The following CASP8 variants were observed in gnomAD, a reference collection of about 807,000 sequenced individuals.
The protein encoded by CASP8 is caspase 8, also known as caspase-8.
In CASP8, 24 loss-of-function variants were observed where a neutral mutation model predicts 46.3. That is an observed-to-expected ratio of 0.52 (90% CI 0.38 to 0.73). The LOEUF (loss-of-function observed/expected upper bound fraction) is 0.73, where lower values mean the gene tolerates loss of function less well. Among genes scored for constraint, CASP8 ranks in the 30% least tolerant of loss-of-function variants. The probability of loss-of-function intolerance (pLI) is 0.00; values close to 1 mark genes in which losing one functional copy is unlikely to be tolerated. For missense variants in CASP8, 460 were observed against 559.0 expected (o/e 0.82, Z 1.79); for synonymous variants, 188 against 200.4 (o/e 0.94, Z 0.52).
In CASP8 at chr2:201,266,712, A is replaced by G. The variant is rs1947849133; in HGVS notation, c.226A>G (p.Ile76Val). ...CCGAATTAATAGACTGGATTTGCTGATTACCTACCTAAACACTAGAAAGGA... is the reference window on the plus strand; with the variant it reads ...CCGAATTAATAGACTGGATTTGCTGGTTACCTACCTAAACACTAGAAAGGA... ...LFRINRLDLL[I>V]TYLNTRKEEM... Residue 76 changes from isoleucine (I) to valine (V), a missense_variant, in exon 2 of 9, where the codon ATT (isoleucine) becomes GTT (valine). Physicochemically the swap from Ile to Val is conservative, Grantham distance 29. Coordinates refer to ENST00000673742, the MANE Select transcript of CASP8 (RefSeq NM_001372051.1). The surrounding 1 kb of genome is among the most constrained non-coding windows in gnomAD (Gnocchi z 5.7). 3 of 1,614,184 alleles carry G rather than the reference A, an allele frequency of 1.9e-6. No homozygotes were observed. The highest frequency in any genetic ancestry group is 2.5e-6 in the Non-Finnish European group (3 of 1,180,016).
rs2125484597 is a variant in CASP8 at position 201,285,085 on chromosome 2, C to A, written c.1072C>A (p.Gln358Lys). ...TGGAAAACCCAAAGTGTTTTTTATT[C>A]AGGCTTGTCAGGGGGATAACTACCA... ...LAGKPKVFFI[Q>K]ACQGDNYQKG... The change falls in exon 8 of 9, where the codon CAG (glutamine) becomes AAG (lysine). Residue 358 changes from glutamine to lysine, a missense_variant. Coordinates refer to ENST00000673742, the MANE Select transcript of CASP8 (RefSeq NM_001372051.1). 1.2e-6 allele frequency: 2 copies of A among 1,614,146 alleles called. No homozygotes were observed. Among genetic ancestry groups the A allele is most frequent in the Non-Finnish European group, 1.7e-6 (2 of 1,180,020 alleles).
chr2:201,250,746 T>G (rs987864103), intron 2 of CASP8, among the ~76,000 whole-genome samples: 6 of 152,240 alleles, frequency 3.9e-5, no homozygotes, highest in Non-Finnish European at 7.3e-5. Context: ...CCATATTTTG[T>G]GGTAGCACGT....
Position 201,282,814 on chromosome 2 carries a change from G to C in CASP8, c.803-2002G>C, listed in dbSNP as rs1259169140. ...CCCGGACGGGGCAGCCGGCCGGAAGGGGGGCTGACCCCCCCACCTCCCTCC... is the reference window on the plus strand; with the variant it reads ...CCCGGACGGGGCAGCCGGCCGGAAGCGGGGCTGACCCCCCCACCTCCCTCC... On this transcript the variant is annotated intron_variant, in intron 7 of 8. Transcript: ENST00000673742. 4.4e-5 allele frequency among the ~76,000 whole-genome samples: 4 copies of C among 90,956 alleles called. 1 individual carries two copies. Among genetic ancestry groups the C allele is most frequent in the African/African-American group, 6.9e-5 (2 of 29,172 alleles). The allele number at this position is 90,956 out of a possible 152,430, so 59.7% of individuals were successfully genotyped here.
chr2:201,257,948 T>G, upstream of CASP8: 2 of 438,548 alleles, frequency 4.6e-6, no homozygotes, highest in South Asian at 2.1e-5. Flanking sequence ...AGTTTGCACG[T>G]CCATGAATTG....
At chr2:201,271,471 T>C (rs1294631566) in intron 2 of CASP8, 45 bp from the exon 3 acceptor site, 1 of 1,195,406 alleles carries the variant, frequency 8.4e-7, no homozygotes, top group East Asian at 2.3e-5. Flanking sequence ...AAATGGGAAA[T>C]TATTTGGGAA....
intron 2 of CASP8, among the ~76,000 whole-genome samples, chr2:201,239,913 T>C (rs1183220629): frequency 6.6e-6 from 1 of 152,238 alleles, no homozygotes; most frequent in African/African-American, 2.4e-5. Flanking sequence ...GGCTCTCTTT[T>C]GCCCTTCTAT....
At chr2:201,260,929 T>C (rs990323545) in intron 1 of CASP8, among the ~76,000 whole-genome samples, 30 of 152,272 alleles carry the variant, frequency 2.0e-4, no homozygotes, top group African/African-American at 7.2e-4. Context: ...CAGTCAAACT[T>C]GTGAAATAAT....
intron 1 of CASP8, among the ~76,000 whole-genome samples, chr2:201,263,326 T>C (rs923048491): frequency 2.0e-5 from 3 of 152,220 alleles, no homozygotes; most frequent in African/African-American, 7.2e-5. Flanking sequence ...GAACTGGCTA[T>C]GTAAATTATA....
intron 1 of CASP8, among the ~76,000 whole-genome samples, chr2:201,265,733 T>C (rs1281777576): frequency 6.6e-6 from 1 of 152,128 alleles, no homozygotes; most frequent in East Asian, 1.9e-4. Flanking sequence ...CCCATCACTC[T>C]CCATCCCAGA....
chr2:201,236,461 A>T (rs749435157), intron 2 of CASP8, among the ~76,000 whole-genome samples: 15 of 152,100 alleles, frequency 9.9e-5, no homozygotes, highest in Non-Finnish European at 2.1e-4. Flanking sequence ...CCCCAGGGGG[A>T]GAGTTATGCC....
Position 201,274,058 on chromosome 2 carries a change from T to G in CASP8, c.596-831T>G, listed in dbSNP as rs183622957. 1.3e-3 allele frequency among the ~76,000 whole-genome samples: 203 copies of G among 152,338 alleles called. 2 individuals are homozygous for G. Among genetic ancestry groups the G allele is most frequent in the Admixed American group, 0.013 (201 of 15,300 alleles). ...CAAGTCCAAGAACACCATCACTCCA[T>G]TCATATTATGAATATTTTTATTGTA... On this transcript the variant is annotated intron_variant, in intron 5 of 8. Transcript: ENST00000673742.
At position 201,286,979 on chromosome 2, in the gene CASP8, A is replaced by G; in HGVS notation, c.*385A>G. On this transcript the variant is annotated 3_prime_UTR_variant, in exon 9 of 9. Transcript: ENST00000673742. ...ACTAATTTTCTAGATTTTCTACTTTATTAATTGTTTTGCACTTTTTTATAA... is the reference window on the plus strand; with the variant it reads ...ACTAATTTTCTAGATTTTCTACTTTGTTAATTGTTTTGCACTTTTTTATAA... 4.4e-6 allele frequency: 1 copy of G among 226,974 alleles called. No homozygotes were observed. Among genetic ancestry groups the G allele is most frequent in the Non-Finnish European group, 9.1e-6 (1 of 110,324 alleles). 14.1% of individuals were successfully genotyped at this position (226,974 alleles called of 1,614,324 possible).
At chr2:201,245,431 G>C (rs1408017386) in intron 2 of CASP8, among the ~76,000 whole-genome samples, 6 of 152,076 alleles carry the variant, frequency 3.9e-5, no homozygotes, top group Non-Finnish European at 8.8e-5. Context: ...AGTACAGACA[G>C]GGTTTCACCA....
chr2:201,243,697 T>C (rs1208429594), intron 2 of CASP8, among the ~76,000 whole-genome samples: 1 of 152,212 alleles, frequency 6.6e-6, no homozygotes, highest in Non-Finnish European at 1.5e-5. Context: ...GTAATATCGT[T>C]ATTAATGTAT....
At chr2:201,281,876 C>T in intron 7 of CASP8, 2 of 1,485,288 alleles carry the variant, frequency 1.3e-6, no homozygotes, top group Non-Finnish European at 1.8e-6. Flanking sequence ...TATTAGAAGC[C>T]TGCAGAATCC....
chr2:201,269,856 G>T (rs998239752), intron 2 of CASP8, among the ~76,000 whole-genome samples: 4 of 152,134 alleles, frequency 2.6e-5, no homozygotes, highest in African/African-American at 9.7e-5. Flanking sequence ...AAGCCTATAG[G>T]CTTCAATAAT....
intron 2 of CASP8, among the ~76,000 whole-genome samples, chr2:201,243,238 T>A (rs1169000969): frequency 6.6e-6 from 1 of 151,800 alleles, no homozygotes; most frequent in African/African-American, 2.4e-5. Flanking sequence ...ATGTTCTTAC[T>A]ACAATAAAAT....
intron 7 of CASP8, among the ~76,000 whole-genome samples, chr2:201,282,858 G>T (rs1375204532): frequency 6.1e-5 from 4 of 65,126 alleles, no homozygotes; most frequent in East Asian, 1.0e-3. Flanking sequence ...GCGGCTGGCC[G>T]GGCAGAGGGG....
At chr2:201,282,717 A>G (rs1949168694) in intron 7 of CASP8, among the ~76,000 whole-genome samples, 1 of 80,806 alleles carries the variant, frequency 1.2e-5, no homozygotes, top group Non-Finnish European at 2.9e-5. Flanking sequence ...TCCCTCCCGG[A>G]TGGGGCGGCT....
Sources: gnomAD v4.1 joint callset for allele counts (sites outside exome capture counted in the v4.1 genomes callset) on GRCh38, gnomAD v4.1.1 for gene constraint, Gnocchi (gnomAD v3.1) non-coding constraint, MANE v1.5 for transcripts, NCBI Gene and HGNC (gene_info 2026-07-23, HGNC 2026-07-21) for gene names.